Variants in JHY observed in about 807,000 individuals in gnomAD.
JHY encodes the protein jhy protein homolog.
JHY carries 69 observed loss-of-function variants against 78.0 expected under a neutral mutation model. The ratio of observed to expected loss-of-function variants is 0.88; its 90% confidence interval spans 0.73 to 1.08. The LOEUF (loss-of-function observed/expected upper bound fraction) is 1.08. Ranked by LOEUF, JHY falls within the 50% of genes least tolerant of loss-of-function variation. The probability of loss-of-function intolerance (pLI) is 0.00; values close to 1 mark genes in which losing one functional copy is unlikely to be tolerated. For missense variants in JHY, 944 were observed against 927.8 expected (o/e 1.02, Z -0.23); for synonymous variants, 368 against 342.6 (o/e 1.07, Z -0.82).
At chr11:122,893,621 G>A (rs994288409) in intron 2 of JHY, among the ~76,000 whole-genome samples, 3 of 152,162 alleles carry the variant, frequency 2.0e-5, no homozygotes, top group African/African-American at 7.2e-5. Flanking sequence ...ATAATGAAAT[G>A]ACTAAAGGGA....
rs1430829694 is a variant in JHY, at chr11:122,934,505, A to G, written c.1064A>G (p.His355Arg). Reference sequence around the variant, plus strand: ...CAACCTTCTGACATGGTGAATGACCATCAACCTTCCAGAAGACCAGCCAAG... The same window carrying G: ...CAACCTTCTGACATGGTGAATGACCGTCAACCTTCCAGAAGACCAGCCAAG... ...RGQPSDMVND[H>R]QPSRRPAKLK... is the part of the protein sequence containing the mutation. The change falls in exon 5 of 9, where the codon CAT (histidine) becomes CGT (arginine). Residue 355 changes from histidine (H) to arginine (R), a missense_variant. Physicochemically the swap from His to Arg is conservative, Grantham distance 29. Coordinates refer to ENST00000227349, the MANE Select transcript of JHY (RefSeq NM_024806.4). 5.6e-6 allele frequency: 9 copies of G among 1,613,984 alleles called. No individual in the cohort carries two copies. Among genetic ancestry groups the G allele is most frequent in the Admixed American group, 1.7e-5 (1 of 59,986 alleles).
Position 122,946,535 on chromosome 11 carries a change from G to A in JHY, c.1672G>A (p.Ala558Thr), listed in dbSNP as rs145425731. 6.2e-7 allele frequency: 1 copy of A among 1,610,004 alleles called. No homozygotes were observed. Among genetic ancestry groups the A allele is most frequent in the Non-Finnish European group, 8.5e-7 (1 of 1,178,704 alleles). The change falls in exon 6 of 9, where the codon GCT becomes ACT. Residue 558 changes from alanine to threonine, a missense_variant. Coordinates refer to ENST00000227349, the MANE Select transcript of JHY (RefSeq NM_024806.4). ...TTCTTCTGACAGCCAGACGGTTAGA[G>A]CTTCTCCAGATTCATGGCTCACCCA... The part of the protein sequence containing the change: ...HSSSDSQTVR[A>T]SPDSWLTQIM...
intron 3 of JHY, among the ~76,000 whole-genome samples, chr11:122,908,022 T>C (rs1863032332): frequency 6.6e-6 from 1 of 152,206 alleles, no homozygotes; most frequent in Admixed American, 6.5e-5. Flanking sequence ...TGGTTTCACA[T>C]TGGAATCAAC....
At position 122,961,366 on chromosome 11, in the gene JHY, A is replaced by G. The variant is rs7115813; in HGVS notation, c.*1921A>G. 0.49 allele frequency among the ~76,000 whole-genome samples: 73,630 copies of G among 151,624 alleles called. 18,644 individuals carry two copies. Among genetic ancestry groups the G allele is most frequent in the Non-Finnish European group, 0.56 (38,186 of 67,918 alleles). On this transcript the variant is annotated 3_prime_UTR_variant, in exon 9 of 9. Coordinates refer to ENST00000227349, the MANE Select transcript of JHY (RefSeq NM_024806.4). Reference sequence around the variant, plus strand: ...TTTTTAGACAGACTCTCGCTCTGTCACCCAGGCTGGAGTGCAGTGGCACAA... The same window carrying G: ...TTTTTAGACAGACTCTCGCTCTGTCGCCCAGGCTGGAGTGCAGTGGCACAA...
At chr11:122,922,180 A>T (rs1863380773) in intron 3 of JHY, among the ~76,000 whole-genome samples, 1 of 152,218 alleles carries the variant, frequency 6.6e-6, no homozygotes, top group Non-Finnish European at 1.5e-5. Flanking sequence ...TTTAGGAATG[A>T]AAATTCAAGC....
rs188482220 is a variant in JHY at position 122,961,854 on chromosome 11, T to C, written c.*2409T>C. Among the ~76,000 whole-genome samples, 1 of 152,204 alleles carries C rather than the reference T, an allele frequency of 6.6e-6. No homozygotes were observed. Among genetic ancestry groups the C allele is most frequent in the Admixed American group, 6.5e-5 (1 of 15,286 alleles). On this transcript the variant is annotated 3_prime_UTR_variant, in exon 9 of 9. Transcript: ENST00000227349. ...GCTGTGCCTGCTCAGATAGAACAAA[T>C]CCTAATGTTGTTCTAACAGAGCATC... is the stretch of plus-strand genomic sequence containing the variant.
At chr11:122,939,963 C>CT (rs11349858) in intron 5 of JHY, among the ~76,000 whole-genome samples, 49 of 146,646 alleles carry the variant, frequency 3.3e-4, no homozygotes, top group South Asian at 1.7e-3. Context: ...CCTTTTACAG[C>CT]TTTTTTTTTT....
At chr11:122,948,552 A>G (rs930500445) in intron 6 of JHY, among the ~76,000 whole-genome samples, 1 of 151,672 alleles carries the variant, frequency 6.6e-6, no homozygotes, top group Admixed American at 6.6e-5. Flanking sequence ...GGAAGCTTCC[A>G]GTTGCATGGA....
chr11:122,885,943 AAAG>A lies in JHY; in HGVS notation c.99_101del (p.Glu33del), dbSNP rs1862484862. ...CCAGTCCACACACCCACCTTTGAAG[AAAG>A]AAGACTTACATCGGATTTCAAAAGA... On this transcript the variant is annotated inframe_deletion, in exon 2 of 9. Coordinates refer to ENST00000227349, the MANE Select transcript of JHY (RefSeq NM_024806.4). 1 of 1,614,080 alleles carries A rather than the reference AAAG, an allele frequency of 6.2e-7. No individual in the cohort carries two copies. The highest frequency in any genetic ancestry group is 1.3e-5 in the African/African-American group (1 of 74,928).
At chr11:122,906,852 A>G (rs1863004971) in intron 3 of JHY, among the ~76,000 whole-genome samples, 1 of 152,300 alleles carries the variant, frequency 6.6e-6, no homozygotes, top group East Asian at 1.9e-4. Context: ...TACTCTCTGA[A>G]GGGGCCATTG....
chr11:122,920,754 C>A (rs1356184858), intron 3 of JHY, among the ~76,000 whole-genome samples: 1 of 152,182 alleles, frequency 6.6e-6, no homozygotes, highest in African/African-American at 2.4e-5. Flanking sequence ...TGCTCTGCGC[C>A]TTACCTCAGT....
Position 122,961,035 on chromosome 11 carries a change from A to G in JHY, c.*1590A>G. The G allele has an allele frequency of 9.6e-7, 1 of 1,040,396 alleles. No homozygotes were observed. The highest frequency in any genetic ancestry group is 1.5e-6 in the Non-Finnish European group (1 of 671,246). 64.4% of individuals were successfully genotyped at this position (1,040,396 alleles called of 1,614,324 possible). A position where few individuals can be genotyped will look rare whatever the true frequency, so the allele number is the denominator to read the frequency against. On this transcript the variant is annotated 3_prime_UTR_variant, in exon 9 of 9. Transcript: ENST00000227349. Reference sequence around the variant, plus strand: ...GGAAAAGGAGACAATTGCCAAGTGCATTTGGGACCTAAAGCTGTTGGCAAA... The same window carrying G: ...GGAAAAGGAGACAATTGCCAAGTGCGTTTGGGACCTAAAGCTGTTGGCAAA...
intron 6 of JHY, among the ~76,000 whole-genome samples, chr11:122,949,979 G>C (rs1024713439): frequency 2.0e-4 from 30 of 151,604 alleles, no homozygotes; most frequent in African/African-American, 7.3e-4. Flanking sequence ...GATTACAGGC[G>C]CACACCACTA....
At position 122,961,182 on chromosome 11, in the gene JHY, G is replaced by T. The variant is rs971330665; in HGVS notation, c.*1737G>T. The T allele has an allele frequency of 5.8e-6, 3 of 521,200 alleles. No individual in the cohort carries two copies. The highest frequency in any genetic ancestry group is 3.9e-5 in the African/African-American group (2 of 51,520). 32.3% of individuals were successfully genotyped at this position (521,200 alleles called of 1,614,324 possible). A position where few individuals can be genotyped will look rare whatever the true frequency, so the allele number is the denominator to read the frequency against. The stretch of plus-strand genomic sequence containing the variant: ...AAATCTTTCTGTATTGCCCTCTACT[G>T]AAGTAGATAGTTTATATCTCCTAAA... On this transcript the variant is annotated 3_prime_UTR_variant, in exon 9 of 9. Coordinates refer to ENST00000227349, the MANE Select transcript of JHY (RefSeq NM_024806.4).
At chr11:122,947,766 G>T (rs1863996692) in intron 6 of JHY, among the ~76,000 whole-genome samples, 1 of 152,140 alleles carries the variant, frequency 6.6e-6, no homozygotes, top group Admixed American at 6.5e-5. Flanking sequence ...CTCTAGCAGA[G>T]CAACCTGGGG....
rs925985131 is a variant in JHY, at chr11:122,961,718, C to G, written c.*2273C>G. Among the ~76,000 whole-genome samples, 2 of 152,006 alleles carry G rather than the reference C, an allele frequency of 1.3e-5. No homozygotes were observed. The highest frequency in any genetic ancestry group is 4.8e-5 in the African/African-American group (2 of 41,380). ...ATCTTGGTGCCTGACTAAAGATTAC[C>G]AGGTTATAGTTTAAATTTGTAATTA... On this transcript the variant is annotated 3_prime_UTR_variant, in exon 9 of 9. Coordinates refer to ENST00000227349, the MANE Select transcript of JHY (RefSeq NM_024806.4).
chr11:122,923,155 C>T (rs563864365), intron 3 of JHY, among the ~76,000 whole-genome samples: 1 of 152,278 alleles, frequency 6.6e-6, no homozygotes, highest in Non-Finnish European at 1.5e-5. Flanking sequence ...CTGCGCAGAG[C>T]TGTTGTCTGA....
intron 6 of JHY, among the ~76,000 whole-genome samples, chr11:122,950,436 A>G (rs975951028): frequency 1.3e-5 from 2 of 152,138 alleles, no homozygotes; most frequent in African/African-American, 4.8e-5. Flanking sequence ...CTTGCCAATG[A>G]TGGGTTGTTG....
rs556927314 is a variant in JHY, at chr11:122,883,197, C to G, written c.-90+225C>G. 2.0e-5 allele frequency among the ~76,000 whole-genome samples: 3 copies of G among 152,286 alleles called. No individual in the cohort carries two copies. The East Asian group carries it at 5.8e-4, about 30-fold the overall frequency. ...TTCGGCGCCCGGGCACCCAGAGCAG[C>G]CCTGTTCCCGGTCAATTAGGACCGG... On this transcript the variant is annotated intron_variant, in intron 1 of 8. Coordinates refer to ENST00000227349, the MANE Select transcript of JHY (RefSeq NM_024806.4). The surrounding 1 kb of genome is among the most constrained non-coding windows in gnomAD (Gnocchi z 4.4).
Sources: allele counts gnomAD v4.1 joint callset (sites outside exome capture counted in the v4.1 genomes callset), GRCh38; gene constraint gnomAD v4.1.1; non-coding constraint Gnocchi (gnomAD v3.1); transcripts MANE v1.5; gene names NCBI Gene and HGNC (gene_info 2026-07-23, HGNC 2026-07-21).